PTPN7: variants seen among roughly 807,000 people sequenced by gnomAD.
PTPN7 encodes the protein protein tyrosine phosphatase non-receptor type 7, also known as tyrosine-protein phosphatase non-receptor type 7.
A neutral mutation model predicts 50.3 loss-of-function variants in PTPN7; 33 were observed. That is an observed-to-expected ratio of 0.66 (90% CI 0.50 to 0.88). PTPN7 has a LOEUF of 0.88. Ranked by LOEUF, PTPN7 falls within the 40% of genes least tolerant of loss-of-function variation. The pLI, the probability that PTPN7 is intolerant of heterozygous loss-of-function variation, is 0.00. For synonymous variants in PTPN7, 185 were observed against 186.6 expected (o/e 0.99, Z 0.07); for missense variants, 412 against 475.4 (o/e 0.87, Z 1.24).
intron 4 of PTPN7, 62 bp from the exon 5 acceptor site, chr1:202,155,671 G>A: frequency 1.4e-6 from 2 of 1,409,384 alleles, no homozygotes; most frequent in Non-Finnish European, 1.0e-6. Flanking sequence ...ACAGACTCAA[G>A]CAGGGTCAGA....
upstream of PTPN7, chr1:202,160,947 C>G: frequency 7.0e-7 from 1 of 1,430,458 alleles, no homozygotes; most frequent in Non-Finnish European, 9.1e-7. This position sits in a 1 kb window ranked among gnomAD's most constrained non-coding sequence, Gnocchi z 4.8. Context: ...GAACCCAAGG[C>G]TCTCCTGCTC....
intron 4 of PTPN7, 22 bp from the exon 5 acceptor site, chr1:202,155,631 A>G: frequency 6.6e-7 from 1 of 1,526,440 alleles, no homozygotes; most frequent in Non-Finnish European, 9.1e-7. Context: ...AAATCAGCAG[A>G]GGTCAGAGGT....
Position 202,159,369 on chromosome 1 carries a change from G to A in PTPN7, c.34C>T (p.Gln12Ter). 6.2e-7 allele frequency: 1 copy of A among 1,614,250 alleles called. No individual in the cohort carries two copies. ...VQAHGGRSRAQPLTLSLGAAM... is the reference protein window; with the variant it reads ...VQAHGGRSRA ...GCCCCCAAAGACAAGGTCAACGGCT[G>A]TGCTCTGGAGCGCCCCCCATGGGCT... Residue 12 changes from glutamine (Q) to a stop codon, truncating the protein, a stop_gained, in exon 2 of 10, where the codon CAG (glutamine) becomes TAG (stop). Transcript: ENST00000691036. LOFTEE classifies it high-confidence loss of function. This position sits in a 1 kb window ranked among gnomAD's most constrained non-coding sequence, Gnocchi z 4.6.
intron 7 of PTPN7, among the ~76,000 whole-genome samples, chr1:202,153,508 G>C (rs1313292532): frequency 6.6e-6 from 1 of 152,206 alleles, no homozygotes; most frequent in Non-Finnish European, 1.5e-5. Flanking sequence ...TACACAGATG[G>C]GTGAGTACTT....
rs1345117185 is a variant in PTPN7, at chr1:202,152,717, C to T, written c.718-18G>A. ...TCCTGGTACTGGATTGGAGACAAGG[C>T]ATGAGAACCAAGGTCAGGGTGGAGG... On this transcript the variant is annotated intron_variant, in intron 7 of 9. Transcript: ENST00000691036. 3.7e-6 allele frequency: 6 copies of T among 1,612,932 alleles called. No homozygotes were observed. The highest frequency in any genetic ancestry group is 5.1e-6 in the Non-Finnish European group (6 of 1,179,354).
chr1:202,161,339 C>A, upstream of PTPN7: 4 of 1,191,508 alleles, frequency 3.4e-6, no homozygotes, highest in Non-Finnish European at 4.3e-6. Context: ...GCCCTCAGCC[C>A]CCTGCAGGCC....
intron 8 of PTPN7, among the ~76,000 whole-genome samples, chr1:202,152,154 G>A (rs1259387210): frequency 6.6e-6 from 1 of 152,218 alleles, no homozygotes; most frequent in African/African-American, 2.4e-5. Context: ...CAGGTGATCT[G>A]CCAGCCCTGG....
At chr1:202,151,837 C>T (rs1656040626) in intron 8 of PTPN7, among the ~76,000 whole-genome samples, 1 of 152,106 alleles carries the variant, frequency 6.6e-6, no homozygotes, top group Admixed American at 6.6e-5. Flanking sequence ...TCTTTCCCAC[C>T]AGCCTATAAA....
In PTPN7 at chr1:202,160,529, C is replaced by G; in HGVS notation, c.-53+16G>C. On this transcript the variant is annotated intron_variant, in intron 1 of 9. Transcript: ENST00000691036. The surrounding 1 kb of genome is among the most constrained non-coding windows in gnomAD (Gnocchi z 4.8). Reference sequence around the variant, plus strand: ...CCGGGGCCACAGGACTCCCAGTCCCCCCTTCAGATACTTACTGAAGCAGCT... The same window carrying G: ...CCGGGGCCACAGGACTCCCAGTCCCGCCTTCAGATACTTACTGAAGCAGCT... The G allele has an allele frequency of 6.5e-7, 1 of 1,539,154 alleles. No individual in the cohort carries two copies. Among genetic ancestry groups the G allele is most frequent in the Non-Finnish European group, 8.8e-7 (1 of 1,137,966 alleles).
chr1:202,154,481 G>A (rs189467463), intron 5 of PTPN7, among the ~76,000 whole-genome samples, 158 bp from the exon 6 acceptor site: 1 of 152,356 alleles, frequency 6.6e-6, no homozygotes, highest in East Asian at 1.9e-4. Context: ...CCACATGATG[G>A]AAAGGATACG....
At position 202,160,438 on chromosome 1, in the gene PTPN7, C is replaced by T. The variant is rs1286740318; in HGVS notation, c.-53+107G>A. Reference sequence around the variant, plus strand: ...CCCATACCCCAGCCAGGCACTGTGGCGCCCCACTCGCCCTCCCGCACTCCC... The same window carrying T: ...CCCATACCCCAGCCAGGCACTGTGGTGCCCCACTCGCCCTCCCGCACTCCC... On this transcript the variant is annotated intron_variant, in intron 1 of 9. Coordinates refer to ENST00000691036, the MANE Select transcript of PTPN7 (RefSeq NM_002832.4). This position sits in a 1 kb window ranked among gnomAD's most constrained non-coding sequence, Gnocchi z 4.8. 3.4e-5 allele frequency: 40 copies of T among 1,172,550 alleles called. No homozygotes were observed. Among genetic ancestry groups the T allele is most frequent in the South Asian group, 3.0e-4 (20 of 67,094 alleles). 72.6% of individuals were successfully genotyped at this position (1,172,550 alleles called of 1,614,324 possible).
rs1657035581 is a variant in PTPN7, at chr1:202,159,171, T to G, written c.122+110A>C. 3 of 1,071,302 alleles carry G rather than the reference T, an allele frequency of 2.8e-6. No individual in the cohort carries two copies. The Admixed American group carries it at 6.4e-5, about 23-fold the overall frequency. The allele number at this position is 1,071,302 out of a possible 1,614,324, so 66.4% of individuals were successfully genotyped here. On this transcript the variant is annotated intron_variant, in intron 2 of 9. Transcript: ENST00000691036. This position sits in a 1 kb window ranked among gnomAD's most constrained non-coding sequence, Gnocchi z 4.6. ...TCCTTTCCAAATTGGAGTCAACAAC[T>G]GAGGGCCCTCTGGACCCTGCTGTCA...
chr1:202,159,716 A>T lies in PTPN7; in HGVS notation c.-52-262T>A. On this transcript the variant is annotated intron_variant, in intron 1 of 9. Transcript: ENST00000691036. The surrounding 1 kb of genome is among the most constrained non-coding windows in gnomAD (Gnocchi z 4.6). ...AAAGAATCCAGAAGGAGGAAAAGAG[A>T]GAGGGGAGAGAGGCCACACACCAGA... is the stretch of plus-strand genomic sequence containing the variant. 1.5e-6 allele frequency: 2 copies of T among 1,354,814 alleles called. No individual in the cohort carries two copies. The highest frequency in any genetic ancestry group is 4.2e-5 in the South Asian group (2 of 47,682). 83.9% of individuals were successfully genotyped at this position (1,354,814 alleles called of 1,614,324 possible). A position where few individuals can be genotyped will look rare whatever the true frequency, so the allele number is the denominator to read the frequency against.
chr1:202,158,300 G>A lies in PTPN7; in HGVS notation c.124C>T (p.Arg42Trp), dbSNP rs200332945. 5 of 1,613,800 alleles carry A rather than the reference G, an allele frequency of 3.1e-6. No individual in the cohort carries two copies. Among genetic ancestry groups the A allele is most frequent in the Non-Finnish European group, 3.4e-6 (4 of 1,179,882 alleles). ...AKKHVRLQERRGSNVALMLDV... is the reference protein window; with the variant it reads ...AKKHVRLQERWGSNVALMLDV... The stretch of plus-strand genomic sequence containing the variant: ...AGCATCAGAGCCACATTGGAGCCCC[G>A]CCTGCAGGCATAGCCCACCACTGCC... The change falls in exon 3 of 10, where the codon CGG becomes TGG. Residue 42 changes from arginine to tryptophan, a missense_variant and splice_region_variant. Arg to Trp is a moderately radical substitution (Grantham distance 101). Coordinates refer to ENST00000691036, the MANE Select transcript of PTPN7 (RefSeq NM_002832.4).
intron 5 of PTPN7, 89 bp from the exon 6 acceptor site, chr1:202,154,412 C>T: frequency 6.7e-7 from 1 of 1,488,550 alleles, no homozygotes; most frequent in Non-Finnish European, 9.0e-7. Flanking sequence ...CTGGGGTCAG[C>T]CTGAAGCTGT....
In PTPN7 at chr1:202,159,139, A is replaced by C; in HGVS notation, c.122+142T>G. On this transcript the variant is annotated intron_variant, in intron 2 of 9. Transcript: ENST00000691036. This position sits in a 1 kb window ranked among gnomAD's most constrained non-coding sequence, Gnocchi z 4.6. The stretch of plus-strand genomic sequence containing the variant: ...TGCAAAAGACATGCAAATGAGCACT[A>C]CTGGTTTCCTTTCCAAATTGGAGTC... 1 of 746,122 alleles carries C rather than the reference A, an allele frequency of 1.3e-6. No individual in the cohort carries two copies. Among genetic ancestry groups the C allele is most frequent in the Non-Finnish European group, 2.3e-6 (1 of 438,430 alleles). The allele number at this position is 746,122 out of a possible 1,614,324, so 46.2% of individuals were successfully genotyped here.
chr1:202,161,295 A>G, upstream of PTPN7: 8 of 1,165,050 alleles, frequency 6.9e-6, no homozygotes, highest in South Asian at 1.4e-4. Context: ...AGCAGAGTCC[A>G]CTTGTGGGAG....
rs1324543586 is a variant in PTPN7 at position 202,147,147 on chromosome 1, G to T, written c.*1459C>A. Reference sequence around the variant, plus strand: ...GGGGCTGTGCAGTTGCTTCCCTCTGGGCTGGCTCTGAGCCCAGGGCAGGAT... The same window carrying T: ...GGGGCTGTGCAGTTGCTTCCCTCTGTGCTGGCTCTGAGCCCAGGGCAGGAT... On this transcript the variant is annotated 3_prime_UTR_variant, in exon 10 of 10. Coordinates refer to ENST00000691036, the MANE Select transcript of PTPN7 (RefSeq NM_002832.4). The T allele has an allele frequency of 1.3e-5, 2 of 152,036 alleles. No individual in the cohort carries two copies. Among genetic ancestry groups the T allele is most frequent in the East Asian group, 1.9e-4 (1 of 5,136 alleles). The allele number at this position is 152,036 out of a possible 1,614,324, so 9.4% of individuals were successfully genotyped here. A position where few individuals can be genotyped will look rare whatever the true frequency, so the allele number is the denominator to read the frequency against.
At chr1:202,149,788 A>G (rs1285637822) in intron 9 of PTPN7, 1 of 150,210 alleles carries the variant, frequency 6.7e-6, no homozygotes, top group Non-Finnish European at 1.5e-5. Flanking sequence ...GTTTAATTCC[A>G]GGCATCCAAG....
Sources: allele counts gnomAD v4.1 joint callset (sites outside exome capture counted in the v4.1 genomes callset), GRCh38; gene constraint gnomAD v4.1.1; non-coding constraint Gnocchi (gnomAD v3.1); transcripts MANE v1.5; gene names NCBI Gene and HGNC (gene_info 2026-07-23, HGNC 2026-07-21).